Variants in FGF14 observed in about 807,000 individuals in gnomAD.
The protein encoded by FGF14 is fibroblast growth factor homologous factor 4.
FGF14 carries 5 observed loss-of-function variants against 25.5 expected under a neutral mutation model. That is an observed-to-expected ratio of 0.20 (90% CI 0.10 to 0.41). FGF14 has a LOEUF of 0.41. FGF14 is among the 10% of genes least tolerant of loss of function. The pLI is 1.00. For synonymous variants in FGF14, 138 were observed against 118.3 expected, an observed-to-expected ratio of 1.17 and a Z score of -1.08; for missense variants, 222 against 320.1, an observed-to-expected ratio of 0.69 and a Z score of 2.34.
At chr13:102,030,152 T>A (rs966373368) in intron 1 of FGF14, among the ~76,000 whole-genome samples, 4 of 152,128 alleles carry the variant, frequency 2.6e-5, no homozygotes, top group African/African-American at 9.6e-5. Flanking sequence ...CTACAAACAA[T>A]GACATACTTT....
intron 3 of FGF14, among the ~76,000 whole-genome samples, chr13:101,800,539 G>T (rs560460326): frequency 1.3e-5 from 2 of 152,118 alleles, no homozygotes; most frequent in Admixed American, 6.5e-5. Context: ...AACAGCAACC[G>T]ATCATAATGC....
At chr13:102,195,985 G>A (rs2049334208) in intron 1 of FGF14, among the ~76,000 whole-genome samples, 1 of 152,132 alleles carries the variant, frequency 6.6e-6, no homozygotes, top group Non-Finnish European at 1.5e-5. Flanking sequence ...ATTACAAAGT[G>A]GCATTAGCAA....
chr13:101,950,751 G>GTTTTTTTTTTTTT (rs61285721), intron 1 of FGF14, among the ~76,000 whole-genome samples: 9 of 131,970 alleles, frequency 6.8e-5, no homozygotes, highest in Non-Finnish European at 1.1e-4. Flanking sequence ...ACCTAATCAT[G>GTTTTTTTTTTTTT]TTTTTTTTTT....
chr13:102,327,724 A>G (rs1326475318), intron 1 of FGF14, among the ~76,000 whole-genome samples: 1 of 152,016 alleles, frequency 6.6e-6, no homozygotes, highest in East Asian at 1.9e-4. Context: ...CCGTGGCCCC[A>G]GCTACTTGGG....
At chr13:101,865,049 G>T (rs553223202) in intron 3 of FGF14, among the ~76,000 whole-genome samples, 4 of 152,082 alleles carry the variant, frequency 2.6e-5, no homozygotes, top group Non-Finnish European at 4.4e-5. Context: ...AAAGCCCAGA[G>T]ATTTACTCAT....
intron 3 of FGF14, among the ~76,000 whole-genome samples, chr13:101,741,267 C>G (rs2036536237): frequency 6.6e-6 from 1 of 152,116 alleles, no homozygotes; most frequent in Non-Finnish European, 1.5e-5. Context: ...ACCAGGGAGG[C>G]AGAGGTTGCA....
chr13:102,201,038 C>T (rs144461099), intron 1 of FGF14, among the ~76,000 whole-genome samples: 2,907 of 130,146 alleles, frequency 0.022, 84 homozygotes, highest in African/African-American at 0.079. Context: ...GGAGGCGGAG[C>T]TTGCTTGAGC....
chr13:101,803,699 G>A (rs1412703183), intron 3 of FGF14, among the ~76,000 whole-genome samples: 2 of 152,156 alleles, frequency 1.3e-5, no homozygotes, highest in African/African-American at 2.4e-5. Flanking sequence ...ATATGATCCT[G>A]TAGATGTGTC....
chr13:102,370,936 C>CAAAA (rs34438270), intron 1 of FGF14, among the ~76,000 whole-genome samples: 2 of 130,470 alleles, frequency 1.5e-5, no homozygotes, highest in Non-Finnish European at 3.3e-5. Flanking sequence ...TTCCGCATAC[C>CAAAA]AAAAAAAAAA....
intron 1 of FGF14, among the ~76,000 whole-genome samples, chr13:102,004,483 C>T (rs550412619): frequency 6.6e-6 from 1 of 152,148 alleles, no homozygotes; most frequent in African/African-American, 2.4e-5. Flanking sequence ...AGCAAAACAA[C>T]CTGATCTTTA....
At chr13:102,089,721 T>C (rs1311908993) in intron 1 of FGF14, among the ~76,000 whole-genome samples, 1 of 152,216 alleles carries the variant, frequency 6.6e-6, no homozygotes, top group Non-Finnish European at 1.5e-5. Flanking sequence ...TTCTGTTTCA[T>C]CAAAACTTAC....
At chr13:101,726,856 T>G (rs1315356041) in intron 3 of FGF14, 46 bp from the exon 4 acceptor site, 1 of 1,388,500 alleles carries the variant, frequency 7.2e-7, no homozygotes, top group Non-Finnish European at 1.0e-6. Context: ...GAACTTGATC[T>G]TCACTGTACA....
At chr13:101,963,916 A>G (rs2037023550) in intron 1 of FGF14, among the ~76,000 whole-genome samples, 1 of 152,228 alleles carries the variant, frequency 6.6e-6, no homozygotes, top group South Asian at 2.1e-4. Context: ...AGTGTAATGT[A>G]CTCAGACAAG....
chr13:102,207,215 G>T (rs761760801), intron 1 of FGF14, among the ~76,000 whole-genome samples: 37 of 152,056 alleles, frequency 2.4e-4, no homozygotes, highest in Middle Eastern at 3.4e-3. Flanking sequence ...AGGAGGCAGA[G>T]GTTGCAGTGA....
At chr13:101,848,296 G>A (rs2043570313) in intron 3 of FGF14, among the ~76,000 whole-genome samples, 1 of 151,630 alleles carries the variant, frequency 6.6e-6, no homozygotes, top group African/African-American at 2.4e-5. Context: ...GAACAAAGAG[G>A]AAATAAAAAA....
At chr13:102,273,167 C>A (rs1480364520) in intron 1 of FGF14, among the ~76,000 whole-genome samples, 1 of 152,086 alleles carries the variant, frequency 6.6e-6, no homozygotes, top group African/African-American at 2.4e-5. Context: ...AAGGTAGCAA[C>A]GCTGGACATA....
intron 3 of FGF14, among the ~76,000 whole-genome samples, chr13:101,828,593 C>T (rs1048582039): frequency 2.0e-5 from 3 of 151,306 alleles, no homozygotes; most frequent in Middle Eastern, 3.2e-3. Context: ...CTGTATTCTT[C>T]GCATTCATAC....
At chr13:101,837,174 GTGTGTGTGTA>G (rs2042966366) in intron 3 of FGF14, among the ~76,000 whole-genome samples, 1 of 151,914 alleles carries the variant, frequency 6.6e-6, no homozygotes, top group African/African-American at 2.4e-5. Context: ...CTATATGTGT[GTGTGTGTGTA>G]TGTGTGTTTG....
At chr13:101,959,503 A>G (rs1232374191) in intron 1 of FGF14, among the ~76,000 whole-genome samples, 2 of 152,120 alleles carry the variant, frequency 1.3e-5, no homozygotes, top group Admixed American at 6.6e-5. Context: ...TCAGTCGCAT[A>G]TTTGTTTCAT....
Sources: allele counts gnomAD v4.1 joint callset (sites outside exome capture counted in the v4.1 genomes callset), GRCh38; gene constraint gnomAD v4.1.1; transcripts MANE v1.5; gene names NCBI Gene and HGNC (gene_info 2026-07-23, HGNC 2026-07-21).